The following TMEM53 variants were observed in gnomAD, a reference collection of about 807,000 sequenced individuals.
TMEM53 encodes the protein novel DUF829 domain-containing protein.
Under a neutral mutation model 21.4 loss-of-function variants are expected in TMEM53, and 14 were observed. The observed-to-expected ratio is 0.65, with a 90% CI of 0.43 to 1.02. TMEM53 has a LOEUF of 1.02. Among genes scored for constraint, TMEM53 ranks in the 50% least tolerant of loss-of-function variants. TMEM53 has a pLI of 0.00. For synonymous variants in TMEM53, 148 were observed against 157.4 expected (o/e 0.94, Z 0.45); for missense variants, 323 against 383.6 (o/e 0.84, Z 1.32).
intron 1 of TMEM53, among the ~76,000 whole-genome samples, chr1:44,663,950 C>T (rs1188245008): frequency 1.3e-5 from 2 of 152,066 alleles, no homozygotes; most frequent in Non-Finnish European, 2.9e-5. Context: ...CACTTGAGCC[C>T]AAGAGTTCAA....
intron 1 of TMEM53, among the ~76,000 whole-genome samples, chr1:44,671,083 C>T (rs1020680164): frequency 7.2e-5 from 11 of 152,134 alleles, no homozygotes; most frequent in African/African-American, 1.4e-4. Flanking sequence ...ATCAAAAACA[C>T]GACAACAGGA....
intron 1 of TMEM53, among the ~76,000 whole-genome samples, chr1:44,663,401 T>G (rs1259334994): frequency 6.6e-6 from 1 of 152,090 alleles, no homozygotes; most frequent in African/African-American, 2.4e-5. Flanking sequence ...CCACCACACC[T>G]GGCTAATTTT....
intron 2 of TMEM53, among the ~76,000 whole-genome samples, chr1:44,656,653 C>T (rs1644851613): frequency 6.6e-6 from 1 of 152,058 alleles, no homozygotes; most frequent in Non-Finnish European, 1.5e-5. Context: ...CTTCAATAAG[C>T]CAGTAACATG....
chr1:44,673,710 C>G (rs982841398), intron 1 of TMEM53: 4 of 428,920 alleles, frequency 9.3e-6, no homozygotes, highest in African/African-American at 8.6e-5. Context: ...AGGAAGGTTA[C>G]TATCCTTATC....
At chr1:44,660,376 C>T in intron 1 of TMEM53, 81 bp from the exon 2 acceptor site, 1 of 1,510,272 alleles carries the variant, frequency 6.6e-7, no homozygotes, top group Non-Finnish European at 8.9e-7. Flanking sequence ...CAGCAGCACT[C>T]CGGCTGCTGC....
At chr1:44,672,539 G>A (rs917875452) in intron 1 of TMEM53, among the ~76,000 whole-genome samples, 2 of 152,216 alleles carry the variant, frequency 1.3e-5, no homozygotes, top group African/African-American at 4.8e-5. Context: ...AAAGGGAAGT[G>A]CTTTCTAACA....
At position 44,654,880 on chromosome 1, in the gene TMEM53, C is replaced by G; in HGVS notation, c.513G>C (p.Leu171=). 6.2e-7 allele frequency: 1 copy of G among 1,612,718 alleles called. No homozygotes were observed. Among genetic ancestry groups the G allele is most frequent in the Non-Finnish European group, 8.5e-7 (1 of 1,179,762 alleles). The change falls in exon 3 of 3, where the codon CTG becomes CTC. Residue 171 remains leucine, a synonymous_variant. Coordinates refer to ENST00000372237, the MANE Select transcript of TMEM53 (RefSeq NM_024587.4). This position sits in a 1 kb window ranked among gnomAD's most constrained non-coding sequence, Gnocchi z 7.0. ...ILERRAAMLR[L]LLLVAFALVV... ...CCAGGGCAAAGGCCACCAGCAGCAA[C>G]AGGCGCAGCATGGCGGCCCGGCGCT... is the stretch of plus-strand genomic sequence containing the variant.
chr1:44,666,151 T>C (rs868559931), intron 1 of TMEM53, among the ~76,000 whole-genome samples: 1 of 152,276 alleles, frequency 6.6e-6, no homozygotes, highest in African/African-American at 2.4e-5. Flanking sequence ...TCATAGCCAT[T>C]AGGGAAATCA....
chr1:44,670,619 G>C (rs938337023), intron 1 of TMEM53, among the ~76,000 whole-genome samples: 1 of 152,166 alleles, frequency 6.6e-6, no homozygotes, highest in African/African-American at 2.4e-5. Flanking sequence ...CTGGGTGTCC[G>C]AGACAACTTC....
At chr1:44,660,914 C>G (rs1048749802) in intron 1 of TMEM53, among the ~76,000 whole-genome samples, 1 of 149,552 alleles carries the variant, frequency 6.7e-6, no homozygotes, top group Non-Finnish European at 1.5e-5. Flanking sequence ...CGGAGCTTGC[C>G]GTGAGCCGAG....
chr1:44,671,894 A>T (rs1645005237), intron 1 of TMEM53, among the ~76,000 whole-genome samples: 1 of 152,322 alleles, frequency 6.6e-6, no homozygotes, highest in East Asian at 1.9e-4. Context: ...GTGCCACTGC[A>T]CTCCAGCCTG....
At chr1:44,657,152 C>T (rs1262221087) in intron 2 of TMEM53, among the ~76,000 whole-genome samples, 1 of 152,158 alleles carries the variant, frequency 6.6e-6, no homozygotes, top group African/African-American at 2.4e-5. Context: ...TATGATTGCA[C>T]CACTGCACTC....
rs373159995 is a variant in TMEM53 at position 44,660,166 on chromosome 1, G to A, written c.183+8C>T. The A allele has an allele frequency of 5.6e-6, 9 of 1,613,450 alleles. No homozygotes were observed. In the African/African-American group the frequency reaches 1.1e-4, roughly 19 times the overall value. On this transcript the variant is annotated splice_region_variant and intron_variant, in intron 2 of 2. Coordinates refer to ENST00000372237, the MANE Select transcript of TMEM53 (RefSeq NM_024587.4). ...GCAGCCCAGGGGAGAGGGCACCAGA[G>A]TACTCACCCTTTTGTGGTAGATGGC...
chr1:44,663,511 AT>A (rs765160534), intron 1 of TMEM53, among the ~76,000 whole-genome samples: 49 of 152,208 alleles, frequency 3.2e-4, no homozygotes, highest in Non-Finnish European at 5.9e-5. Flanking sequence ...AAAGTGCTAG[AT>A]TACAGGCGTG....
Position 44,655,222 on chromosome 1 carries a change from G to T in TMEM53, c.184-13C>A. The T allele has an allele frequency of 6.3e-7, 1 of 1,583,862 alleles. No individual in the cohort carries two copies. Among genetic ancestry groups the T allele is most frequent in the Non-Finnish European group, 8.6e-7 (1 of 1,164,224 alleles). On this transcript the variant is annotated splice_polypyrimidine_tract_variant and intron_variant, in intron 2 of 2. Transcript: ENST00000372237. This position sits in a 1 kb window ranked among gnomAD's most constrained non-coding sequence, Gnocchi z 4.4. Reference sequence around the variant, plus strand: ...TTACGATGCAGCCCTGGGGAGAGAGGCCTGGTCAGTCCTCACAGATGAGGT... The same window carrying T: ...TTACGATGCAGCCCTGGGGAGAGAGTCCTGGTCAGTCCTCACAGATGAGGT...
At position 44,655,050 on chromosome 1, in the gene TMEM53, C is replaced by T. The variant is rs142199875; in HGVS notation, c.343G>A (p.Gly115Ser). The change falls in exon 3 of 3, where the codon GGT (glycine) becomes AGT (serine). Residue 115 changes from glycine to serine, a missense_variant. By Grantham distance (56) the Gly-to-Ser change is moderately conservative. This residue lies in a region of TMEM53 where 269 missense variants were observed against 334.5 expected (regional missense o/e 0.80). Coordinates refer to ENST00000372237, the MANE Select transcript of TMEM53 (RefSeq NM_024587.4). This position sits in a 1 kb window ranked among gnomAD's most constrained non-coding sequence, Gnocchi z 4.4. ...EPLLFHVFSN[G>S]GVMLYRYVLE... ...ACGTAGCGGTACAGCATGACGCCAC[C>T]GTTGCTGAAGACATGGAAGAGCAGG... 1.5e-4 allele frequency: 239 copies of T among 1,614,086 alleles called. No individual in the cohort carries two copies. The highest frequency in any genetic ancestry group is 1.9e-4 in the Non-Finnish European group (229 of 1,180,032).
In TMEM53 at chr1:44,653,740, C is replaced by T. The variant is rs1025765399; in HGVS notation, c.*819G>A. The T allele has an allele frequency of 3.3e-5, 5 of 152,272 alleles. No individual in the cohort carries two copies. The highest frequency in any genetic ancestry group is 1.2e-4 in the African/African-American group (5 of 41,464). The allele number at this position is 152,272 out of a possible 1,614,324, so 9.4% of individuals were successfully genotyped here. On this transcript the variant is annotated 3_prime_UTR_variant, in exon 3 of 3. Transcript: ENST00000372237. Reference sequence around the variant, plus strand: ...TGGAGCAAAGATCATAGCCCCTATCCGCAGCCTGACGCTACCCCTGACCGA... The same window carrying T: ...TGGAGCAAAGATCATAGCCCCTATCTGCAGCCTGACGCTACCCCTGACCGA...
At chr1:44,666,870 G>A (rs888574664) in intron 1 of TMEM53, among the ~76,000 whole-genome samples, 2 of 151,740 alleles carry the variant, frequency 1.3e-5, no homozygotes, top group Non-Finnish European at 2.9e-5. Context: ...TTTGAGACAG[G>A]GCCTCACTCT....
intron 1 of TMEM53, among the ~76,000 whole-genome samples, chr1:44,661,282 GGGC>G (rs1345288963): frequency 6.6e-6 from 1 of 152,114 alleles, no homozygotes; most frequent in African/African-American, 2.4e-5. Context: ...CCAGGCTGGA[GGGC>G]AGTGGCACGA....
Sources: allele counts gnomAD v4.1 joint callset (sites outside exome capture counted in the v4.1 genomes callset), GRCh38; gene constraint gnomAD v4.1.1; regional missense constraint gnomAD v4.1.1; non-coding constraint Gnocchi (gnomAD v3.1); transcripts MANE v1.5; gene names NCBI Gene and HGNC (gene_info 2026-07-23, HGNC 2026-07-21).